The following USP50 variants were observed in gnomAD, a reference collection of about 807,000 sequenced individuals.
The protein encoded by USP50 is ubiquitin carboxyl-terminal hydrolase 50.
In USP50, 37 loss-of-function variants were observed where a neutral mutation model predicts 39.2. That is an observed-to-expected ratio of 0.94 (90% CI 0.73 to 1.24). USP50 has a LOEUF of 1.24. Ranked by LOEUF, USP50 falls within the 50% of genes most tolerant of loss-of-function variation. The pLI is 0.00. For synonymous variants in USP50, 139 were observed against 144.5 expected (o/e 0.96, Z 0.27); for missense variants, 374 against 398.2 (o/e 0.94, Z 0.52).
chr15:50,512,985 G>T (rs1225390796), intron 6 of USP50: 8 of 152,108 alleles, frequency 5.3e-5, no homozygotes, highest in South Asian at 2.1e-4. Context: ...ACATGTAAAT[G>T]ACTCTTTCCA....
downstream of USP50, chr15:50,497,108 C>T (rs986830418): frequency 1.3e-6 from 2 of 1,599,638 alleles, no homozygotes; most frequent in Non-Finnish European, 1.7e-6. Flanking sequence ...AGATTATTTT[C>T]CAAAGAAGAA....
rs72738996 is a variant in USP50, at chr15:50,524,857, G to C, written c.936+4940C>G. Among the ~76,000 whole-genome samples, 655 of 151,878 alleles carry C rather than the reference G, an allele frequency of 4.3e-3. 2 individuals carry two copies. Among genetic ancestry groups the C allele is most frequent in the Middle Eastern group, 0.01 (3 of 294 alleles). ...CCACTGTACTCCAGCCTGGGTGACA[G>C]AGCAAAACCCAGTCTTTAAAAACAA... is the stretch of plus-strand genomic sequence containing the variant. On this transcript the variant is annotated intron_variant, in intron 6 of 6. Coordinates refer to ENST00000532404, the MANE Select transcript of USP50 (RefSeq NM_203494.5).
intron 6 of USP50, among the ~76,000 whole-genome samples, chr15:50,525,538 G>GTATATGTATATATGTATATGTA (rs1566907480): frequency 6.5e-5 from 7 of 108,414 alleles, no homozygotes; most frequent in African/African-American, 8.5e-5. Context: ...ATATGTATAT[G>GTATATGTATATATGTATATGTA]TATATATGTA....
At chr15:50,545,875 G>T (rs1481347573) in intron 1 of USP50, among the ~76,000 whole-genome samples, 1 of 151,686 alleles carries the variant, frequency 6.6e-6, no homozygotes, top group African/African-American at 2.4e-5. Context: ...TGAGGATTAT[G>T]CAGGTATCAT....
At chr15:50,541,345 C>T in intron 3 of USP50, 81 bp from the exon 4 acceptor site, 2 of 1,279,378 alleles carry the variant, frequency 1.6e-6, no homozygotes, top group Non-Finnish European at 2.2e-6. Context: ...GATCCCATCT[C>T]TACAAAAAAA....
chr15:50,502,209 G>A (rs1218561578), intron 6 of USP50: 1 of 152,280 alleles, frequency 6.6e-6, no homozygotes, highest in African/African-American at 2.4e-5. Flanking sequence ...CCAGGTTCAA[G>A]CAATTCTTCT....
chr15:50,513,276 A>G (rs1221899460), intron 6 of USP50: 1 of 152,222 alleles, frequency 6.6e-6, no homozygotes, highest in Non-Finnish European at 1.5e-5. Context: ...TGTTCATGCC[A>G]GCAAAAATTT....
At position 50,543,650 on chromosome 15, in the gene USP50, G is replaced by A. The variant is rs766911061; in HGVS notation, c.392C>T (p.Ala131Val). 6.2e-7 allele frequency: 1 copy of A among 1,613,684 alleles called. No individual in the cohort carries two copies. The highest frequency in any genetic ancestry group is 8.5e-7 in the Non-Finnish European group (1 of 1,179,774). Residue 131 changes from alanine to valine, a missense_variant, in exon 3 of 7, where the codon GCT (alanine) becomes GTT (valine). Ala to Val is a moderately conservative substitution (Grantham distance 64). Coordinates refer to ENST00000532404, the MANE Select transcript of USP50 (RefSeq NM_203494.5). ...PAFTKKMQQDAQEFLICVLNE... is the reference protein window; with the variant it reads ...PAFTKKMQQDVQEFLICVLNE... ...TAGGACACAAATCAAGAATTCCTGA[G>A]CATCTTGTTGCATCTTTTTCGTAAA...
At chr15:50,510,829 T>G (rs1232719949) in intron 6 of USP50, 1 of 152,030 alleles carries the variant, frequency 6.6e-6, no homozygotes, top group Non-Finnish European at 1.5e-5. Context: ...CAGGCTGGAG[T>G]GCAGTGGCGC....
intron 1 of USP50, among the ~76,000 whole-genome samples, chr15:50,546,076 A>AT (rs765657162): frequency 4.0e-5 from 6 of 151,648 alleles, no homozygotes; most frequent in Admixed American, 6.6e-5. Flanking sequence ...TCCTCTTACA[A>AT]TTTTTTGTAT....
Position 50,534,428 on chromosome 15 carries a change from A to G in USP50, c.803+4281T>C, listed in dbSNP as rs1200761014. Among the ~76,000 whole-genome samples, 4 of 152,244 alleles carry G rather than the reference A, an allele frequency of 2.6e-5. No individual in the cohort carries two copies. In the East Asian group the frequency reaches 7.7e-4, roughly 29 times the overall value. ...CAGTAAAACCACAAAAAGCAGGAAAAGAGTGGTAGATAAAAACAGGAACAC... is the reference window on the plus strand; with the variant it reads ...CAGTAAAACCACAAAAAGCAGGAAAGGAGTGGTAGATAAAAACAGGAACAC... On this transcript the variant is annotated intron_variant, in intron 5 of 6. Transcript: ENST00000532404.
downstream of USP50, chr15:50,495,809 T>C: frequency 6.8e-7 from 1 of 1,473,446 alleles, no homozygotes; most frequent in Non-Finnish European, 9.3e-7. Flanking sequence ...ATGTTTTCTT[T>C]GAGATATTAA....
In USP50 at chr15:50,523,175, C is replaced by CTTTTTTT. The variant is rs57450027; in HGVS notation, c.936+6615_936+6621dup. 1.6e-4 allele frequency among the ~76,000 whole-genome samples: 17 copies of CTTTTTTT among 104,208 alleles called. 2 individuals are homozygous for CTTTTTTT. Among genetic ancestry groups the CTTTTTTT allele is most frequent in the Admixed American group, 2.7e-4 (2 of 7,534 alleles). 68.4% of individuals were successfully genotyped at this position (104,208 alleles called of 152,430 possible). On this transcript the variant is annotated intron_variant, in intron 6 of 6. Coordinates refer to ENST00000532404, the MANE Select transcript of USP50 (RefSeq NM_203494.5). ...AAAATCAACATATAAAAATCAGTAG[C>CTTTTTTT]TTTTTTTTTTTTTTTTTTGGTGAGA...
chr15:50,499,016 T>A (rs780803385), downstream of USP50: 3 of 1,613,874 alleles, frequency 1.9e-6, no homozygotes, highest in African/African-American at 1.3e-5. Flanking sequence ...CCGTTTCTTC[T>A]GTGAAATCTT....
chr15:50,497,405 G>A (rs2052459122), downstream of USP50: 1 of 618,432 alleles, frequency 1.6e-6, no homozygotes, highest in Non-Finnish European at 2.4e-6. Flanking sequence ...TCACCTCAGT[G>A]TTTTCAGTAC....
chr15:50,527,664 G>A (rs1200431164), intron 6 of USP50, among the ~76,000 whole-genome samples: 1 of 147,794 alleles, frequency 6.8e-6, no homozygotes, highest in Non-Finnish European at 1.5e-5. Context: ...TTTTGAGACC[G>A]AGTCTCACTC....
At chr15:50,509,177 G>A (rs1483313020) in intron 6 of USP50, 2 of 143,698 alleles carry the variant, frequency 1.4e-5, no homozygotes, top group African/African-American at 2.6e-5. Context: ...AAATTAGCTG[G>A]ACATGGTGTT....
At position 50,500,845 on chromosome 15, in the gene USP50, A is replaced by C. The variant is rs2052572261; in HGVS notation, c.937-8T>G. On this transcript the variant is annotated splice_region_variant and splice_polypyrimidine_tract_variant and intron_variant, in intron 6 of 6. Coordinates refer to ENST00000532404, the MANE Select transcript of USP50 (RefSeq NM_203494.5). ...CAAATCACCAAAATGGTTCTATGGG[A>C]GAAAGGAATGTCAAACTTAGTATTC... The C allele has an allele frequency of 6.4e-7, 1 of 1,572,948 alleles. No individual in the cohort carries two copies. The highest frequency in any genetic ancestry group is 1.2e-5 in the South Asian group (1 of 85,436).
intron 3 of USP50, among the ~76,000 whole-genome samples, chr15:50,543,245 A>G (rs1046435050): frequency 2.0e-5 from 3 of 152,188 alleles, no homozygotes; most frequent in African/African-American, 7.2e-5. Flanking sequence ...ACTTTTAAAA[A>G]CTAGTCCATT....
Sources: gnomAD v4.1 joint callset for allele counts (sites outside exome capture counted in the v4.1 genomes callset) on GRCh38, gnomAD v4.1.1 for gene constraint, MANE v1.5 for transcripts, NCBI Gene and HGNC (gene_info 2026-07-23, HGNC 2026-07-21) for gene names.